CNTNAP5: variants seen among roughly 807,000 people sequenced by gnomAD.
CNTNAP5 encodes the protein contactin-associated protein-like 5.
CNTNAP5 carries 72 observed loss-of-function variants against 150.2 expected under a neutral mutation model. The observed-to-expected ratio is 0.48, with a 90% CI of 0.40 to 0.58. The LOEUF (loss-of-function observed/expected upper bound fraction) is 0.58. CNTNAP5 is among the 20% of genes least tolerant of loss of function. The pLI, the probability that CNTNAP5 is intolerant of heterozygous loss-of-function variation, is 0.00. For missense variants in CNTNAP5, 1,636 were observed against 1,626.2 expected (o/e 1.01, Z -0.10); for synonymous variants, 672 against 619.8 (o/e 1.08, Z -1.25).
At chr2:124,500,777 C>T (rs776397792) in intron 7 of CNTNAP5, among the ~76,000 whole-genome samples, 15 of 152,100 alleles carry the variant, frequency 9.9e-5, no homozygotes, top group East Asian at 5.8e-4. Context: ...CTTGGCTGTT[C>T]GAGAAGGGGC....
At chr2:124,163,901 A>G (rs1192527883) in intron 1 of CNTNAP5, among the ~76,000 whole-genome samples, 2 of 152,004 alleles carry the variant, frequency 1.3e-5, no homozygotes, top group Admixed American at 6.6e-5. Context: ...AACAACATTC[A>G]CAACTTGATC....
At chr2:124,398,507 T>TATTTATTTATTA (rs1169974972) in intron 3 of CNTNAP5, among the ~76,000 whole-genome samples, 10 of 147,796 alleles carry the variant, frequency 6.8e-5, no homozygotes, top group Middle Eastern at 3.2e-3. Context: ...TTTATTTATT[T>TATTTATTTATTA]ATTTTTGAGA....
chr2:124,564,813 C>G (rs902637985), intron 11 of CNTNAP5, among the ~76,000 whole-genome samples: 1 of 152,164 alleles, frequency 6.6e-6, no homozygotes, highest in Non-Finnish European at 1.5e-5. Flanking sequence ...TCTGGAATTG[C>G]AGAGCATTTC....
intron 10 of CNTNAP5, among the ~76,000 whole-genome samples, chr2:124,553,130 GTTC>G (rs1304137835): frequency 3.3e-5 from 5 of 152,176 alleles, no homozygotes; most frequent in Admixed American, 3.3e-4. Flanking sequence ...TTGTGGCAAT[GTTC>G]TTCATATGCT....
At position 124,790,101 on chromosome 2, in the gene CNTNAP5, T is replaced by A; in HGVS notation, c.2952T>A (p.Asp984Glu). Reference sequence around the variant, plus strand: ...AGAAGCACAATGGCTACCTGTGTGATTGCACCAATTCACCTTATGAAGGGC... The same window carrying A: ...AGAAGCACAATGGCTACCTGTGTGAATGCACCAATTCACCTTATGAAGGGC... Reference protein sequence around the residue: ...CVEKHNGYLCDCTNSPYEGPF... With the variant: ...CVEKHNGYLCECTNSPYEGPF... Residue 984 changes from aspartate to glutamate, a missense_variant, in exon 18 of 24, where the codon GAT becomes GAA. By Grantham distance (45) the Asp-to-Glu change is conservative. Transcript: ENST00000682447. 6.2e-7 allele frequency: 1 copy of A among 1,613,862 alleles called. No individual in the cohort carries two copies. Among genetic ancestry groups the A allele is most frequent in the South Asian group, 1.1e-5 (1 of 91,086 alleles).
intron 1 of CNTNAP5, among the ~76,000 whole-genome samples, chr2:124,187,756 T>C (rs1412971631): frequency 6.6e-6 from 1 of 152,238 alleles, no homozygotes; most frequent in East Asian, 1.9e-4. Flanking sequence ...GTTGCCTTTT[T>C]AGAGCTGATT....
At chr2:124,741,843 T>A (rs1371673322) in intron 13 of CNTNAP5, among the ~76,000 whole-genome samples, 2 of 152,146 alleles carry the variant, frequency 1.3e-5, no homozygotes, top group African/African-American at 4.8e-5. Flanking sequence ...CTCTCTTTCT[T>A]TCTCTCACAC....
intron 18 of CNTNAP5, among the ~76,000 whole-genome samples, chr2:124,791,251 T>C (rs192774679): frequency 6.1e-4 from 93 of 152,354 alleles, no homozygotes; most frequent in Non-Finnish European, 1.2e-3. Context: ...CGTTCATTCA[T>C]ACAGGGGCCT....
rs79194728 is a variant in CNTNAP5, at chr2:124,725,628, A to G, written c.2078-21601A>G. Among the ~76,000 whole-genome samples, 265 of 152,152 alleles carry G rather than the reference A, an allele frequency of 1.7e-3. 1 individual carries two copies. The highest frequency in any genetic ancestry group is 0.014 in the Middle Eastern group (4 of 294). On this transcript the variant is annotated intron_variant, in intron 13 of 23. Coordinates refer to ENST00000682447, the MANE Select transcript of CNTNAP5 (RefSeq NM_001367498.1). ...CATTTAAAGTATGCAGTACAGTAGT[A>G]TCAACTATAGTTATCATGCCACATA...
intron 19 of CNTNAP5, among the ~76,000 whole-genome samples, chr2:124,852,178 AG>A (rs1356255800): frequency 1.3e-5 from 2 of 152,228 alleles, no homozygotes; most frequent in Non-Finnish European, 2.9e-5. Flanking sequence ...TGCAATTATT[AG>A]TACTAACAAA....
chr2:124,294,037 A>C (rs80078677), intron 3 of CNTNAP5, among the ~76,000 whole-genome samples: 1 of 152,126 alleles, frequency 6.6e-6, no homozygotes, highest in Non-Finnish European at 1.5e-5. Context: ...CCCAGGATGC[A>C]TGGGGCTGGG....
intron 13 of CNTNAP5, among the ~76,000 whole-genome samples, chr2:124,735,428 CTT>C (rs34024635): frequency 3.4e-5 from 5 of 146,920 alleles, no homozygotes; most frequent in African/African-American, 7.6e-5. Flanking sequence ...TTCTACAAGA[CTT>C]TTTTTTTTTT....
chr2:124,094,659 A>G (rs1025457036), intron 1 of CNTNAP5, among the ~76,000 whole-genome samples: 1 of 152,198 alleles, frequency 6.6e-6, no homozygotes, highest in African/African-American at 2.4e-5. Flanking sequence ...TATAGAGGCA[A>G]AATATGTTGA....
chr2:124,086,094 T>A (rs886568134), intron 1 of CNTNAP5, among the ~76,000 whole-genome samples: 4 of 152,178 alleles, frequency 2.6e-5, no homozygotes, highest in Admixed American at 2.6e-4. Context: ...CTTGTGAATT[T>A]GTCTATTTCT....
intron 17 of CNTNAP5, among the ~76,000 whole-genome samples, chr2:124,783,291 A>T (rs570045322): frequency 6.6e-6 from 1 of 152,182 alleles, no homozygotes; most frequent in Non-Finnish European, 1.5e-5. Context: ...AGCCTCAATC[A>T]TTGAAATATT....
At chr2:124,804,551 A>C (rs925079312) in intron 19 of CNTNAP5, among the ~76,000 whole-genome samples, 1 of 152,138 alleles carries the variant, frequency 6.6e-6, no homozygotes, top group Non-Finnish European at 1.5e-5. Flanking sequence ...ATAAGATCGG[A>C]GCCCTAATCC....
chr2:124,208,448 A>C (rs2104720504), intron 1 of CNTNAP5, among the ~76,000 whole-genome samples: 1 of 152,362 alleles, frequency 6.6e-6, no homozygotes. Context: ...CCAATGCCTT[A>C]GCTTGGATAC....
At chr2:124,630,380 C>G (rs776834693) in intron 12 of CNTNAP5, among the ~76,000 whole-genome samples, 3 of 152,186 alleles carry the variant, frequency 2.0e-5, no homozygotes, top group Non-Finnish European at 4.4e-5. Flanking sequence ...CCACCACGAT[C>G]AAGTTGGTTT....
intron 6 of CNTNAP5, among the ~76,000 whole-genome samples, chr2:124,455,936 T>C: frequency 6.6e-6 from 1 of 152,154 alleles, no homozygotes; most frequent in South Asian, 2.1e-4. Context: ...AAGCCATCTG[T>C]GACAAGCCCA....
Sources: allele counts gnomAD v4.1 joint callset (sites outside exome capture counted in the v4.1 genomes callset), GRCh38; gene constraint gnomAD v4.1.1; transcripts MANE v1.5; gene names NCBI Gene and HGNC (gene_info 2026-07-23, HGNC 2026-07-21).